The following ROCK1 variants were observed in gnomAD, a reference collection of about 807,000 sequenced individuals.
The protein encoded by ROCK1 is Rho associated coiled-coil containing protein kinase 1.
Under a neutral mutation model 196.8 loss-of-function variants are expected in ROCK1, and 36 were observed. The observed-to-expected ratio is 0.18, with a 90% CI of 0.14 to 0.24. ROCK1 has a LOEUF of 0.24. ROCK1 is among the 10% of genes least tolerant of loss of function. ROCK1 has a pLI of 1.00. For missense variants in ROCK1, 920 were observed against 1,562.0 expected (o/e 0.59, Z 6.93); for synonymous variants, 443 against 515.9 (o/e 0.86, Z 1.91).
intron 22 of ROCK1, among the ~76,000 whole-genome samples, chr18:20,976,525 C>T (rs2035482522): frequency 6.6e-6 from 1 of 152,122 alleles, no homozygotes; most frequent in Non-Finnish European, 1.5e-5. Context: ...ACTGAGAAGG[C>T]GAGATCTTCA....
chr18:21,057,236 C>T (rs1460512921), intron 2 of ROCK1, among the ~76,000 whole-genome samples: 1 of 152,166 alleles, frequency 6.6e-6, no homozygotes, highest in African/African-American at 2.4e-5. Context: ...TGGCAGAAAG[C>T]TAAGATTCAG....
At chr18:21,100,278 T>C (rs999022636) in intron 1 of ROCK1, among the ~76,000 whole-genome samples, 4 of 151,408 alleles carry the variant, frequency 2.6e-5, no homozygotes, top group South Asian at 4.2e-4. Flanking sequence ...CAAGAAACAA[T>C]TTCATCCAAT....
intron 16 of ROCK1, among the ~76,000 whole-genome samples, chr18:20,995,132 T>C (rs1462524240): frequency 6.6e-6 from 1 of 152,162 alleles, no homozygotes; most frequent in Non-Finnish European, 1.5e-5. Context: ...TAGTTAACAA[T>C]AACATACTGC....
intron 4 of ROCK1, among the ~76,000 whole-genome samples, chr18:21,048,410 G>GA (rs1568394655): frequency 6.6e-6 from 1 of 151,668 alleles, no homozygotes; most frequent in African/African-American, 2.4e-5. Flanking sequence ...CATGTTTGGG[G>GA]AAAAAAATTC....
intron 2 of ROCK1, among the ~76,000 whole-genome samples, chr18:21,053,728 T>C (rs1340916549): frequency 7.9e-5 from 12 of 152,218 alleles, no homozygotes. Flanking sequence ...TCCCAGCTAC[T>C]TGGGAGGCTG....
At chr18:21,091,139 T>C (rs978615725) in intron 1 of ROCK1, among the ~76,000 whole-genome samples, 17 of 151,962 alleles carry the variant, frequency 1.1e-4, no homozygotes, top group Admixed American at 9.8e-4. Flanking sequence ...CCACCCCTGA[T>C]ACAAAGACCA....
intron 22 of ROCK1, among the ~76,000 whole-genome samples, chr18:20,973,992 G>A (rs185379324): frequency 9.9e-5 from 15 of 151,706 alleles, no homozygotes; most frequent in Non-Finnish European, 1.3e-4. Context: ...GAATGGTCTC[G>A]ATCTCCTGAC....
At position 21,110,944 on chromosome 18, in the gene ROCK1, C is replaced by T. The variant is rs761426930; in HGVS notation, c.-34G>A. ...TGCTGTGACAATGCCCTCTTACCAG[C>T]ACCAGCAGCGGAAAGCAATTTCAAC... On this transcript the variant is annotated 5_prime_UTR_variant, in exon 1 of 33. Coordinates refer to ENST00000399799, the MANE Select transcript of ROCK1 (RefSeq NM_005406.3). 6.4e-7 allele frequency: 1 copy of T among 1,562,162 alleles called. No homozygotes were observed.
intron 16 of ROCK1, among the ~76,000 whole-genome samples, chr18:20,998,119 G>A (rs1353380011): frequency 2.6e-5 from 4 of 152,124 alleles, no homozygotes; most frequent in South Asian, 2.1e-4. Context: ...TGACAGGCAT[G>A]AGCCATCATG....
At chr18:21,088,768 T>C (rs1394157911) in intron 1 of ROCK1, among the ~76,000 whole-genome samples, 1 of 152,074 alleles carries the variant, frequency 6.6e-6, no homozygotes, top group African/African-American at 2.4e-5. Context: ...ACCCTTTTTG[T>C]CCTTTTGCCT....
chr18:21,074,998 G>A (rs1440751871), intron 1 of ROCK1, among the ~76,000 whole-genome samples: 1 of 152,196 alleles, frequency 6.6e-6, no homozygotes, highest in African/African-American at 2.4e-5. Flanking sequence ...ACTGGGAAAG[G>A]TGAGAAGGAG....
rs1170761021 is a variant in ROCK1 at position 21,049,964 on chromosome 18, AAC to A, written c.176-86_176-85del. ...TTATTTTACATTCGAGTTCTTAAGA[AAC>A]ACAATGAAAAACAACAAACTTCATG... is the stretch of plus-strand genomic sequence containing the variant. On this transcript the variant is annotated intron_variant, in intron 2 of 32. Transcript: ENST00000399799. The A allele has an allele frequency of 7.7e-5, 48 of 624,496 alleles. No homozygotes were observed. The East Asian group carries it at 1.6e-3, about 20-fold the overall frequency. 38.7% of individuals were successfully genotyped at this position (624,496 alleles called of 1,614,324 possible).
chr18:21,085,220 C>G (rs1439836367), intron 1 of ROCK1, among the ~76,000 whole-genome samples: 1 of 150,638 alleles, frequency 6.6e-6, no homozygotes, highest in Non-Finnish European at 1.5e-5. Context: ...AAATTGTACT[C>G]AGGAACAGTT....
intron 27 of ROCK1, among the ~76,000 whole-genome samples, chr18:20,962,106 T>A (rs1598508992): frequency 6.6e-6 from 1 of 152,198 alleles, no homozygotes; most frequent in East Asian, 1.9e-4. Flanking sequence ...TCTGCATTTT[T>A]CTGAATTAGC....
intron 27 of ROCK1, 76 bp from the exon 28 acceptor site, chr18:20,960,282 G>C (rs2035314573): frequency 1.1e-6 from 1 of 877,092 alleles, no homozygotes; most frequent in East Asian, 2.4e-5. Flanking sequence ...TTGTCTGACA[G>C]CATGCAGCAA....
intron 29 of ROCK1, among the ~76,000 whole-genome samples, chr18:20,956,430 T>C (rs2035242813): frequency 6.6e-6 from 1 of 152,188 alleles, no homozygotes; most frequent in Admixed American, 6.5e-5. Context: ...TTTCAATCCA[T>C]GTTTGGATGA....
chr18:21,110,406 C>T (rs1000272020), intron 1 of ROCK1, among the ~76,000 whole-genome samples: 1 of 151,616 alleles, frequency 6.6e-6, no homozygotes, highest in Non-Finnish European at 1.5e-5. Context: ...AGCTAAATCG[C>T]AAAAAGGAAA....
At chr18:21,058,544 T>C (rs936452020) in intron 2 of ROCK1, among the ~76,000 whole-genome samples, 6 of 152,132 alleles carry the variant, frequency 3.9e-5, no homozygotes, top group Admixed American at 2.0e-4. Context: ...GCTCAAAAAT[T>C]AAACTTATTT....
At chr18:21,103,464 A>T (rs551354854) in intron 1 of ROCK1, among the ~76,000 whole-genome samples, 242 of 146,876 alleles carry the variant, frequency 1.6e-3, no homozygotes, top group Non-Finnish European at 2.5e-3. Context: ...TTATTTTATT[A>T]TTTTTTTTTT....
Sources: gnomAD v4.1 joint callset for allele counts (sites outside exome capture counted in the v4.1 genomes callset) on GRCh38, gnomAD v4.1.1 for gene constraint, MANE v1.5 for transcripts, NCBI Gene and HGNC (gene_info 2026-07-23, HGNC 2026-07-21) for gene names.